Variants in EML6 observed in about 807,000 individuals in gnomAD.
EML6 encodes echinoderm microtubule-associated protein-like 6.
A neutral mutation model predicts 240.1 loss-of-function variants in EML6; 154 were observed. The ratio of observed to expected loss-of-function variants is 0.64; its 90% CI spans 0.56 to 0.73. EML6 has a LOEUF of 0.73. EML6 is among the 30% of genes least tolerant of loss of function. EML6 has a pLI of 0.00. For synonymous variants in EML6, 1,148 were observed against 899.0 expected (o/e 1.28, Z -4.95); for missense variants, 2,964 against 2,474.6 (o/e 1.20, Z -4.20).
Position 54,971,124 on chromosome 2 carries a change from T to C in EML6, c.*1029T>C, listed in dbSNP as rs1343447685. The C allele has an allele frequency of 6.6e-6, 1 of 152,222 alleles. No individual in the cohort carries two copies. Among genetic ancestry groups the C allele is most frequent in the Non-Finnish European group, 1.5e-5 (1 of 68,040 alleles). The allele number at this position is 152,222 out of a possible 1,614,324, so 9.4% of individuals were successfully genotyped here. A position where few individuals can be genotyped will look rare whatever the true frequency, so the allele number is the denominator to read the frequency against. On this transcript the variant is annotated 3_prime_UTR_variant, in exon 42 of 42. Coordinates refer to ENST00000356458, the MANE Select transcript of EML6 (RefSeq NM_001039753.4). Reference sequence around the variant, plus strand: ...CTGAGTGGAGTTGAGGTGACTTCATTTGATTGCTTCAGGCGAACTATATAG... The same window carrying C: ...CTGAGTGGAGTTGAGGTGACTTCATCTGATTGCTTCAGGCGAACTATATAG...
At chr2:54,885,833 G>A (rs186113977) in intron 17 of EML6, among the ~76,000 whole-genome samples, 2 of 151,708 alleles carry the variant, frequency 1.3e-5, no homozygotes, top group East Asian at 2.0e-4. Context: ...GGATGGTCTC[G>A]ATCTCCTGAC....
At chr2:54,849,646 G>A (rs990059251) in intron 9 of EML6, among the ~76,000 whole-genome samples, 2 of 152,020 alleles carry the variant, frequency 1.3e-5, no homozygotes, top group Non-Finnish European at 2.9e-5. Context: ...CTGCCACCAC[G>A]GCCGGCTAAT....
In EML6 at chr2:54,829,233, TTTTA is replaced by T. The variant is rs929420087; in HGVS notation, c.712-105_712-102del. 5.8e-6 allele frequency: 6 copies of T among 1,032,978 alleles called. No individual in the cohort carries two copies. In the African/African-American group the frequency reaches 9.6e-5, roughly 17 times the overall value. 64.0% of individuals were successfully genotyped at this position (1,032,978 alleles called of 1,614,324 possible). On this transcript the variant is annotated intron_variant, in intron 6 of 41. Coordinates refer to ENST00000356458, the MANE Select transcript of EML6 (RefSeq NM_001039753.4). Reference sequence around the variant, plus strand: ...AGCATTTCAATAGAGAACAAAGGGGTTTTATTTTTGTTTTTGACTTGCTATGTTT... The same window carrying T: ...AGCATTTCAATAGAGAACAAAGGGGTTTTTTGTTTTTGACTTGCTATGTTT...
chr2:54,799,482 A>T (rs1360490627), intron 2 of EML6, among the ~76,000 whole-genome samples: 1 of 151,940 alleles, frequency 6.6e-6, no homozygotes, highest in Non-Finnish European at 1.5e-5. Context: ...AGTAGCTGGG[A>T]TTACAGGTGC....
In EML6 at chr2:54,894,941, C is replaced by T; in HGVS notation, c.2769C>T (p.Gly923=). Residue 923 remains glycine (G), a synonymous_variant, in exon 20 of 42, where the codon GGC becomes GGT. Coordinates refer to ENST00000356458, the MANE Select transcript of EML6 (RefSeq NM_001039753.4). The stretch of plus-strand genomic sequence containing the variant: ...GCTTTGTAACAGGTGGAAAGGACGG[C>T]ATCGTGGAGCTCTGGGATGATATGT... The part of the protein sequence containing the change: ...DKGFVTGGKD[G]IVELWDDMFE... 1 of 1,551,202 alleles carries T rather than the reference C, an allele frequency of 6.4e-7. No homozygotes were observed. Among genetic ancestry groups the T allele is most frequent in the Non-Finnish European group, 8.7e-7 (1 of 1,146,646 alleles).
intron 3 of EML6, among the ~76,000 whole-genome samples, chr2:54,815,492 C>G (rs1458209904): frequency 6.6e-6 from 1 of 152,172 alleles, no homozygotes; most frequent in Non-Finnish European, 1.5e-5. Flanking sequence ...TTTCTTTCAG[C>G]TTTTTCTCCA....
At chr2:54,941,313 A>T (rs969998412) in intron 28 of EML6, among the ~76,000 whole-genome samples, 3 of 152,068 alleles carry the variant, frequency 2.0e-5, no homozygotes, top group Non-Finnish European at 4.4e-5. Context: ...AGCTGCCCCC[A>T]GTTTTTTTTA....
chr2:54,958,558 T>C (rs1406598283), intron 33 of EML6, among the ~76,000 whole-genome samples: 1 of 152,100 alleles, frequency 6.6e-6, no homozygotes, highest in Admixed American at 6.6e-5. Flanking sequence ...AGGAGGTTTG[T>C]TGTTCTAAAG....
intron 2 of EML6, among the ~76,000 whole-genome samples, chr2:54,742,836 G>A (rs1474690483): frequency 6.6e-6 from 1 of 152,212 alleles, no homozygotes; most frequent in Non-Finnish European, 1.5e-5. Context: ...TAGGCCCTGA[G>A]TAAGTTTTTT....
rs752444821 is a variant in EML6 at position 54,899,643 on chromosome 2, G to A, written c.2985G>A (p.Gly995=). The stretch of plus-strand genomic sequence containing the variant: ...TTGCCCCTTTTCCTCTCCCACAGGG[G>A]CACATGGAAGGAGAAGTGTGGGGGT... ...KSGPMTLLVQ[G]HMEGEVWGLA... Residue 995 remains glycine, a splice_region_variant and synonymous_variant, in exon 22 of 42, where the codon GGG becomes GGA. Transcript: ENST00000356458. 2.6e-6 allele frequency: 4 copies of A among 1,552,908 alleles called. No individual in the cohort carries two copies. Among genetic ancestry groups the A allele is most frequent in the Admixed American group, 2.0e-5 (1 of 51,084 alleles).
intron 2 of EML6, among the ~76,000 whole-genome samples, chr2:54,797,176 A>ACAACAAAC (rs1558556965): frequency 7.1e-6 from 1 of 141,692 alleles, no homozygotes; most frequent in African/African-American, 2.5e-5. Context: ...AAAAAAAAAA[A>ACAACAAAC]AAAAAAAAAA....
chr2:54,831,204 CATAAACTGCCTAAACGT>C (rs1458698500), intron 7 of EML6, among the ~76,000 whole-genome samples: 1 of 152,138 alleles, frequency 6.6e-6, no homozygotes, highest in African/African-American at 2.4e-5. Context: ...GATTAGTGAC[CATAAACTGCCTAAACGT>C]TGGGGAGTAC....
chr2:54,960,714 C>G (rs1184028331), intron 35 of EML6, among the ~76,000 whole-genome samples: 1 of 152,128 alleles, frequency 6.6e-6, no homozygotes, highest in African/African-American at 2.4e-5. Context: ...TGCCCATGCC[C>G]TAAGCTATAG....
intron 19 of EML6, among the ~76,000 whole-genome samples, chr2:54,893,536 G>T (rs1026096185): frequency 6.6e-6 from 1 of 152,174 alleles, no homozygotes; most frequent in African/African-American, 2.4e-5. Context: ...TGTTACAGAG[G>T]CAGTTAAATT....
intron 28 of EML6, among the ~76,000 whole-genome samples, chr2:54,943,016 C>T (rs1675508051): frequency 6.6e-6 from 1 of 152,114 alleles, no homozygotes; most frequent in African/African-American, 2.4e-5. Flanking sequence ...CACAGATGGC[C>T]ACCACCAGAG....
intron 2 of EML6, among the ~76,000 whole-genome samples, chr2:54,743,870 A>G (rs952250570): frequency 6.6e-6 from 1 of 152,160 alleles, no homozygotes; most frequent in Non-Finnish European, 1.5e-5. Context: ...TACTCCCCCA[A>G]ATCATCTTGC....
chr2:54,880,537 C>G (rs1671759703), intron 17 of EML6: 1 of 152,180 alleles, frequency 6.6e-6, no homozygotes, highest in African/African-American at 2.4e-5. Flanking sequence ...CCTGGAGGAG[C>G]AGCAGATGGA....
At chr2:54,965,621 C>T (rs1676714192) in intron 38 of EML6, among the ~76,000 whole-genome samples, 1 of 152,014 alleles carries the variant, frequency 6.6e-6, no homozygotes, top group South Asian at 2.1e-4. Context: ...GCTAATTGGT[C>T]AGAGATGAAA....
chr2:54,905,326 AC>A (rs1673267798), intron 24 of EML6, among the ~76,000 whole-genome samples: 1 of 6,978 alleles, frequency 1.4e-4, no homozygotes, highest in Non-Finnish European at 7.9e-4. Context: ...AATCCGACAC[AC>A]ACACACACAC....
Sources: gnomAD v4.1 joint callset for allele counts (sites outside exome capture counted in the v4.1 genomes callset) on GRCh38, gnomAD v4.1.1 for gene constraint, MANE v1.5 for transcripts, NCBI Gene and HGNC (gene_info 2026-07-23, HGNC 2026-07-21) for gene names.